RIMS1: variants seen among roughly 807,000 people sequenced by gnomAD.
RIMS1 encodes the protein regulating synaptic membrane exocytosis 1.
Under a neutral mutation model 214.1 loss-of-function variants are expected in RIMS1, and 83 were observed. That is an observed-to-expected ratio of 0.39 (90% confidence interval 0.32 to 0.47). The LOEUF is 0.47. Ranked by LOEUF, RIMS1 falls within the 20% of genes least tolerant of loss-of-function variation. The pLI, the probability that RIMS1 is intolerant of heterozygous loss-of-function variation, is 0.99. For synonymous variants in RIMS1, 793 were observed against 786.8 expected (o/e 1.01, Z -0.13); for missense variants, 2,050 against 2,161.8 (o/e 0.95, Z 1.03).
intron 28 of RIMS1, among the ~76,000 whole-genome samples, chr6:72,332,300 T>G (rs1219001110): frequency 6.6e-6 from 1 of 151,518 alleles, no homozygotes; most frequent in Non-Finnish European, 1.5e-5. Context: ...ATTAAGAGGG[T>G]CATTTTAGGT....
At chr6:72,259,966 C>T (rs1475976743) in intron 18 of RIMS1, among the ~76,000 whole-genome samples, 1 of 152,078 alleles carries the variant, frequency 6.6e-6, no homozygotes, top group Non-Finnish European at 1.5e-5. Context: ...TACCTAATTG[C>T]CATCCTACTG....
chr6:72,367,115 G>C (rs915788266), intron 29 of RIMS1, among the ~76,000 whole-genome samples: 5 of 152,190 alleles, frequency 3.3e-5, no homozygotes, highest in African/African-American at 1.2e-4. Flanking sequence ...TTTATTTATA[G>C]CATTGTAATA....
intron 2 of RIMS1, among the ~76,000 whole-genome samples, chr6:72,041,503 G>A (rs192100241): frequency 1.3e-5 from 2 of 151,714 alleles, no homozygotes; most frequent in African/African-American, 4.8e-5. Context: ...CTTTTCTTAG[G>A]TTGTATCTCA....
In RIMS1 at chr6:72,168,917, T is replaced by C. The variant is rs375326839; in HGVS notation, c.472-10658T>C. Among the ~76,000 whole-genome samples, 14 of 152,058 alleles carry C rather than the reference T, an allele frequency of 9.2e-5. No homozygotes were observed. The East Asian group carries it at 1.5e-3, about 17-fold the overall frequency. ...CTACTGTAACAAGGGTAGGCTAAGATCAATTTTTGATCAATATATTGGGTT... is the reference window on the plus strand; with the variant it reads ...CTACTGTAACAAGGGTAGGCTAAGACCAATTTTTGATCAATATATTGGGTT... On this transcript the variant is annotated intron_variant, in intron 4 of 33. Coordinates refer to ENST00000521978, the MANE Select transcript of RIMS1 (RefSeq NM_014989.7).
chr6:72,028,647 G>A (rs538836641), intron 2 of RIMS1, among the ~76,000 whole-genome samples: 1 of 152,230 alleles, frequency 6.6e-6, no homozygotes, highest in East Asian at 1.9e-4. Context: ...AAAGACAAAC[G>A]AAAGCATGGA....
At chr6:71,962,819 T>C (rs1486455509) in intron 1 of RIMS1, among the ~76,000 whole-genome samples, 1 of 152,168 alleles carries the variant, frequency 6.6e-6, no homozygotes, top group Non-Finnish European at 1.5e-5. Flanking sequence ...AATGAATCTT[T>C]TGTCTTTTCA....
chr6:72,368,592 A>G (rs924004662), intron 29 of RIMS1, among the ~76,000 whole-genome samples: 2 of 152,006 alleles, frequency 1.3e-5, no homozygotes, highest in African/African-American at 2.4e-5. Flanking sequence ...AGTTAATGTT[A>G]TAAGTTTTAG....
At chr6:72,045,248 T>C (rs963715663) in intron 2 of RIMS1, among the ~76,000 whole-genome samples, 4 of 151,948 alleles carry the variant, frequency 2.6e-5, no homozygotes, top group Admixed American at 2.6e-4. Context: ...TTTATATCTT[T>C]ATTGTCAAAA....
chr6:72,166,304 T>C (rs1474761825), intron 4 of RIMS1, among the ~76,000 whole-genome samples: 1 of 151,162 alleles, frequency 6.6e-6, no homozygotes, highest in Non-Finnish European at 1.5e-5. Context: ...GTGTCTGTTT[T>C]TTTTTTTTTT....
intron 29 of RIMS1, among the ~76,000 whole-genome samples, chr6:72,388,459 A>G (rs1398236469): frequency 6.6e-6 from 1 of 152,154 alleles, no homozygotes; most frequent in Non-Finnish European, 1.5e-5. Flanking sequence ...TTGGATTTTC[A>G]TTTTACTTTG....
intron 4 of RIMS1, among the ~76,000 whole-genome samples, chr6:72,173,932 T>C (rs2047371729): frequency 1.3e-5 from 2 of 152,088 alleles, no homozygotes; most frequent in African/African-American, 4.8e-5. Context: ...CAACAACACC[T>C]GTCTGTTTCA....
intron 2 of RIMS1, among the ~76,000 whole-genome samples, chr6:72,053,411 C>T (rs1020121813): frequency 6.6e-6 from 1 of 152,178 alleles, no homozygotes; most frequent in Non-Finnish European, 1.5e-5. Context: ...AAATACCTTA[C>T]TCTTTACGAG....
chr6:72,233,002 A>T (rs1046185308), intron 6 of RIMS1, among the ~76,000 whole-genome samples: 5 of 151,824 alleles, frequency 3.3e-5, no homozygotes, highest in Non-Finnish European at 5.9e-5. Flanking sequence ...AAAATTTAAA[A>T]GGGAATTATT....
In RIMS1 at chr6:72,080,741, G is replaced by T. The variant is rs545436592; in HGVS notation, c.246-16208G>T. 3.3e-5 allele frequency among the ~76,000 whole-genome samples: 5 copies of T among 152,228 alleles called. No individual in the cohort carries two copies. The East Asian group carries it at 9.7e-4, about 29-fold the overall frequency. On this transcript the variant is annotated intron_variant, in intron 2 of 33. Coordinates refer to ENST00000521978, the MANE Select transcript of RIMS1 (RefSeq NM_014989.7). Reference sequence around the variant, plus strand: ...CCACCTCAGGCCTTTCACACTTGCTGCATCCTCTGCCAAGCCCCTCTCTCT... The same window carrying T: ...CCACCTCAGGCCTTTCACACTTGCTTCATCCTCTGCCAAGCCCCTCTCTCT...
In RIMS1 at chr6:71,886,723, C is replaced by T. The variant is rs1363585688; in HGVS notation, c.-301C>T. 1.6e-5 allele frequency: 3 copies of T among 187,526 alleles called. No homozygotes were observed. Among genetic ancestry groups the T allele is most frequent in the Non-Finnish European group, 3.3e-5 (3 of 91,174 alleles). The allele number at this position is 187,526 out of a possible 1,614,324, so 11.6% of individuals were successfully genotyped here. A position where few individuals can be genotyped will look rare whatever the true frequency, so the allele number is the denominator to read the frequency against. Reference sequence around the variant, plus strand: ...CTCGCCTCTCCCGCCGCGCCTCCGCCTGCCCGCCCCCGCCGGCCGAGGCTG... The same window carrying T: ...CTCGCCTCTCCCGCCGCGCCTCCGCTTGCCCGCCCCCGCCGGCCGAGGCTG... On this transcript the variant is annotated 5_prime_UTR_variant, in exon 1 of 34. Coordinates refer to ENST00000521978, the MANE Select transcript of RIMS1 (RefSeq NM_014989.7).
At chr6:72,018,476 A>ACAT (rs1257243275) in intron 2 of RIMS1, among the ~76,000 whole-genome samples, 1 of 152,160 alleles carries the variant, frequency 6.6e-6, no homozygotes, top group Non-Finnish European at 1.5e-5. Context: ...TGCCTATTAG[A>ACAT]CATCATAGAT....
In RIMS1 at chr6:72,258,183, G is replaced by A. The variant is rs1252220266; in HGVS notation, c.2829G>A (p.Gln943=). Residue 943 remains glutamine, a synonymous_variant, in exon 17 of 34, where the codon CAG becomes CAA. Coordinates refer to ENST00000521978, the MANE Select transcript of RIMS1 (RefSeq NM_014989.7). The part of the protein sequence containing the change: ...SKSTTLTVPE[Q]QRTTHHRSRS... ...CTACAACATTAACTGTGCCAGAACA[G>A]CAAAGAACAACTCATCACCGCTCAC... The A allele has an allele frequency of 6.2e-7, 1 of 1,613,252 alleles. No homozygotes were observed. Among genetic ancestry groups the A allele is most frequent in the South Asian group, 1.1e-5 (1 of 91,016 alleles).
At chr6:72,134,568 C>A (rs1413498111) in intron 4 of RIMS1, among the ~76,000 whole-genome samples, 1 of 152,014 alleles carries the variant, frequency 6.6e-6, no homozygotes, top group Non-Finnish European at 1.5e-5. Context: ...TTAAGATGAT[C>A]TATGTAACTA....
intron 2 of RIMS1, among the ~76,000 whole-genome samples, chr6:72,087,929 A>G (rs1195418167): frequency 6.6e-6 from 1 of 152,194 alleles, no homozygotes; most frequent in Non-Finnish European, 1.5e-5. Context: ...TGTAAGCTGA[A>G]CCAATTGAGA....
Sources: allele counts gnomAD v4.1 joint callset (sites outside exome capture counted in the v4.1 genomes callset), GRCh38; gene constraint gnomAD v4.1.1; transcripts MANE v1.5; gene names NCBI Gene and HGNC (gene_info 2026-07-23, HGNC 2026-07-21).